Variants in SLC16A10 observed in about 807,000 individuals in gnomAD.
SLC16A10 encodes the protein monocarboxylate transporter 10.
SLC16A10 carries 27 observed loss-of-function variants against 40.0 expected under a neutral mutation model. The ratio of observed to expected loss-of-function variants is 0.67; its 90% CI spans 0.50 to 0.93. SLC16A10 has a LOEUF of 0.93. Among genes scored for constraint, SLC16A10 ranks in the 40% least tolerant of loss-of-function variants. The probability of loss-of-function intolerance (pLI) is 0.00; values close to 1 mark genes in which losing one functional copy is unlikely to be tolerated. For missense variants in SLC16A10, 529 were observed against 658.2 expected (o/e 0.80, Z 2.15); for synonymous variants, 213 against 249.8 (o/e 0.85, Z 1.39).
chr6:111,204,008 ATT>A (rs1173295982), intron 3 of SLC16A10, among the ~76,000 whole-genome samples: 1 of 152,084 alleles, frequency 6.6e-6, no homozygotes, highest in Non-Finnish European at 1.5e-5. Context: ...AATGCCTCTT[ATT>A]TTTGTTTGTT....
intron 3 of SLC16A10, among the ~76,000 whole-genome samples, chr6:111,199,362 C>T (rs1026252278): frequency 2.6e-5 from 4 of 151,010 alleles, no homozygotes; most frequent in Admixed American, 2.0e-4. Context: ...GGGAGGCTGA[C>T]GCAGGAGAAT....
intron 1 of SLC16A10, among the ~76,000 whole-genome samples, chr6:111,097,478 A>G (rs1771094736): frequency 6.6e-6 from 1 of 151,528 alleles, no homozygotes; most frequent in South Asian, 2.1e-4. Flanking sequence ...TGCCTGGCTA[A>G]TTTTTTTGTA....
In SLC16A10 at chr6:111,123,636, A is replaced by AAT. The variant is rs963682755; in HGVS notation, c.343+35542_343+35543insTA. Among the ~76,000 whole-genome samples the AAT allele has an allele frequency of 2.6e-3, 389 of 152,254 alleles. 2 individuals are homozygous for AAT. The highest frequency in any genetic ancestry group is 8.9e-3 in the African/African-American group (368 of 41,546). ...GAGGTGACAGTATCTTTTGTGTTCC[A>AAT]AGTCAGATAACCAGTAACAGTAATA... On this transcript the variant is annotated intron_variant, in intron 1 of 5. Transcript: ENST00000368851.
At chr6:111,094,651 T>C (rs1355424579) in intron 1 of SLC16A10, among the ~76,000 whole-genome samples, 1 of 152,206 alleles carries the variant, frequency 6.6e-6, no homozygotes, top group Non-Finnish European at 1.5e-5. Flanking sequence ...TTTATTTTAT[T>C]TTTTGGGATA....
intron 1 of SLC16A10, among the ~76,000 whole-genome samples, chr6:111,131,375 G>C (rs1019763807): frequency 6.6e-6 from 1 of 152,208 alleles, no homozygotes; most frequent in Non-Finnish European, 1.5e-5. Flanking sequence ...CTTGGAATCT[G>C]TGAGGCCAAG....
chr6:111,102,012 C>T (rs1408324981), intron 1 of SLC16A10, among the ~76,000 whole-genome samples: 2 of 152,168 alleles, frequency 1.3e-5, no homozygotes, highest in Admixed American at 6.5e-5. Flanking sequence ...TCATAAGGCA[C>T]CTGCTTAATT....
chr6:111,219,193 T>A (rs1770840672), intron 5 of SLC16A10, 151 bp downstream of exon 5: 3 of 720,312 alleles, frequency 4.2e-6, no homozygotes, highest in African/African-American at 3.6e-5. Context: ...ACATTTTTAA[T>A]AAGACTAGCT....
At position 111,153,701 on chromosome 6, in the gene SLC16A10, C is replaced by T. The variant is rs113070123; in HGVS notation, c.344-18994C>T. 2.5e-3 allele frequency among the ~76,000 whole-genome samples: 382 copies of T among 152,288 alleles called. 2 individuals carry two copies. The highest frequency in any genetic ancestry group is 8.7e-3 in the African/African-American group (361 of 41,560). ...TTAGGCAAATCACTTAACTTCTGAG[C>T]TTTGCCTGTTTCACCTGAGGTTGCT... On this transcript the variant is annotated intron_variant, in intron 1 of 5. Transcript: ENST00000368851.
chr6:111,141,403 C>G (rs565923010), intron 1 of SLC16A10, among the ~76,000 whole-genome samples: 1 of 152,160 alleles, frequency 6.6e-6, no homozygotes, highest in Non-Finnish European at 1.5e-5. Context: ...TGCCTCACGC[C>G]TGTAATCCCA....
At chr6:111,107,118 TAAAG>T (rs1771297613) in intron 1 of SLC16A10, among the ~76,000 whole-genome samples, 1 of 152,022 alleles carries the variant, frequency 6.6e-6, no homozygotes, top group East Asian at 1.9e-4. Flanking sequence ...GGTATGGGAA[TAAAG>T]AAACGTATGA....
At chr6:111,197,936 T>C (rs1773106160) in intron 3 of SLC16A10, among the ~76,000 whole-genome samples, 2 of 152,176 alleles carry the variant, frequency 1.3e-5, no homozygotes, top group South Asian at 4.2e-4. Flanking sequence ...ACCTCCAACA[T>C]TGGGAATCAC....
intron 3 of SLC16A10, among the ~76,000 whole-genome samples, chr6:111,204,956 G>A (rs1389273511): frequency 2.0e-5 from 3 of 151,590 alleles, no homozygotes; most frequent in African/African-American, 7.3e-5. Context: ...AGGCTTATAA[G>A]TCAGATGAAT....
intron 1 of SLC16A10, among the ~76,000 whole-genome samples, chr6:111,169,919 C>CTTA (rs1772551489): frequency 7.4e-6 from 1 of 135,114 alleles, no homozygotes; most frequent in Admixed American, 7.7e-5. Flanking sequence ...TCTTTTCTTT[C>CTTA]TTTTTTTTTT....
chr6:111,193,870 A>T (rs1773036777), intron 3 of SLC16A10, among the ~76,000 whole-genome samples: 1 of 152,214 alleles, frequency 6.6e-6, no homozygotes, highest in Non-Finnish European at 1.5e-5. Context: ...TATATTGGGT[A>T]ATATAGTCTA....
intron 1 of SLC16A10, among the ~76,000 whole-genome samples, chr6:111,130,893 T>G (rs1387312216): frequency 1.3e-5 from 2 of 152,254 alleles, no homozygotes; most frequent in African/African-American, 2.4e-5. Context: ...TTGAGAAAAC[T>G]ACTCAATCTC....
chr6:111,177,109 T>A, intron 2 of SLC16A10, 103 bp from the exon 3 acceptor site: 1 of 738,834 alleles, frequency 1.4e-6, no homozygotes, highest in Non-Finnish European at 1.9e-6. Flanking sequence ...TTGTAGAAAA[T>A]ATGTTGATGA....
At chr6:111,177,828 A>G in intron 3 of SLC16A10, 163 bp downstream of exon 3, 1 of 590,524 alleles carries the variant, frequency 1.7e-6, no homozygotes. Context: ...CAGCACATCC[A>G]TTAGACCACT....
At chr6:111,118,256 TA>T (rs1771523445) in intron 1 of SLC16A10, among the ~76,000 whole-genome samples, 1 of 152,214 alleles carries the variant, frequency 6.6e-6, no homozygotes, top group Admixed American at 6.5e-5. Flanking sequence ...TTAGGAAATG[TA>T]ATTATAACAT....
chr6:111,230,774 G>A lies in SLC16A10; in HGVS notation c.*8539G>A, dbSNP rs918740895. On this transcript the variant is annotated 3_prime_UTR_variant, in exon 6 of 6. Coordinates refer to ENST00000368851, the MANE Select transcript of SLC16A10 (RefSeq NM_018593.5). ...ATTGTTCATGTGGACTTATTTTAAT[G>A]TTTATTTGAAAATTAATTTTTTAAT... 1 of 152,124 alleles carries A rather than the reference G, an allele frequency of 6.6e-6. No individual in the cohort carries two copies. Among genetic ancestry groups the A allele is most frequent in the African/African-American group, 2.4e-5 (1 of 41,414 alleles). The allele number at this position is 152,124 out of a possible 1,614,324, so 9.4% of individuals were successfully genotyped here.
Sources: gnomAD v4.1 joint callset for allele counts (sites outside exome capture counted in the v4.1 genomes callset) on GRCh38, gnomAD v4.1.1 for gene constraint, MANE v1.5 for transcripts, NCBI Gene and HGNC (gene_info 2026-07-23, HGNC 2026-07-21) for gene names.